UGT1A7: variants seen among roughly 807,000 people sequenced by gnomAD.
The protein encoded by UGT1A7 is UDP glucuronosyltransferase family 1 member A7, also known as UDP-glucuronosyltransferase 1A7.
In UGT1A7, 33 loss-of-function variants were observed where a neutral mutation model predicts 45.6. The ratio of observed to expected loss-of-function variants is 0.72; its 90% CI spans 0.55 to 0.97. The LOEUF is 0.97. UGT1A7 is among the 50% of genes least tolerant of loss of function. The pLI, the probability that UGT1A7 is intolerant of heterozygous loss-of-function variation, is 0.00. For missense variants in UGT1A7, 684 were observed against 666.2 expected (o/e 1.03, Z -0.29); for synonymous variants, 274 against 250.6 (o/e 1.09, Z -0.88).
At chr2:233,693,710 G>C (rs1398840706) in intron 1 of UGT1A7, 3 of 1,614,218 alleles carry the variant, frequency 1.9e-6, no homozygotes, top group Non-Finnish European at 2.5e-6. Context: ...CGCATCAGCT[G>C]TCCTCAAGAG....
At chr2:233,743,149 A>G in intron 1 of UGT1A7, 1 of 356,554 alleles carries the variant, frequency 2.8e-6, no homozygotes, top group South Asian at 2.1e-5. Flanking sequence ...AAAGTCCGCT[A>G]TTCCTCCAGA....
chr2:233,708,241 G>A (rs1272155172), intron 1 of UGT1A7, among the ~76,000 whole-genome samples: 1 of 152,164 alleles, frequency 6.6e-6, no homozygotes, highest in Non-Finnish European at 1.5e-5. Flanking sequence ...CAATGTATAA[G>A]TGTACACTTT....
intron 1 of UGT1A7, among the ~76,000 whole-genome samples, chr2:233,749,208 CA>C (rs1559394087): frequency 6.6e-6 from 1 of 151,746 alleles, no homozygotes; most frequent in Non-Finnish European, 1.5e-5. Flanking sequence ...GTATTATTGC[CA>C]AACACTCTAA....
At chr2:233,697,247 A>G (rs1425616459) in intron 1 of UGT1A7, among the ~76,000 whole-genome samples, 1 of 152,056 alleles carries the variant, frequency 6.6e-6, no homozygotes, top group Non-Finnish European at 1.5e-5. Flanking sequence ...TTACTGCTTC[A>G]ATCTTGTTAC....
chr2:233,701,576 T>C (rs955691834), intron 1 of UGT1A7, among the ~76,000 whole-genome samples: 6 of 152,220 alleles, frequency 3.9e-5, no homozygotes, highest in East Asian at 1.9e-4. Context: ...TACTCCAAAA[T>C]TGACCACATA....
intron 1 of UGT1A7, chr2:233,741,960 TTG>T: frequency 6.6e-6 from 1 of 151,970 alleles, no homozygotes; most frequent in East Asian, 1.9e-4. Context: ...TACTTTCTTG[TTG>T]TGTTTATGGT....
At chr2:233,762,468 G>A (rs976449997) in intron 1 of UGT1A7, among the ~76,000 whole-genome samples, 1 of 152,122 alleles carries the variant, frequency 6.6e-6, no homozygotes, top group Non-Finnish European at 1.5e-5. Context: ...TAATGTCATG[G>A]ATATCACTCC....
intron 1 of UGT1A7, among the ~76,000 whole-genome samples, chr2:233,696,285 A>G (rs554364174): frequency 5.9e-5 from 9 of 152,206 alleles, no homozygotes; most frequent in African/African-American, 2.2e-4. Context: ...AAAACGTAGG[A>G]CTGTAATATC....
intron 1 of UGT1A7, among the ~76,000 whole-genome samples, chr2:233,746,350 C>T (rs1287151444): frequency 6.6e-6 from 1 of 151,744 alleles, no homozygotes; most frequent in Non-Finnish European, 1.5e-5. Flanking sequence ...GTTTATGTTG[C>T]TCCTTTAGTA....
intron 1 of UGT1A7, among the ~76,000 whole-genome samples, chr2:233,759,549 T>A (rs1172160092): frequency 6.6e-6 from 1 of 152,280 alleles, no homozygotes; most frequent in South Asian, 2.1e-4. Context: ...TGCGCTCCAG[T>A]GAATTTCCCT....
intron 1 of UGT1A7, chr2:233,690,816 C>G: frequency 2.8e-6 from 3 of 1,075,614 alleles, no homozygotes; most frequent in African/African-American, 3.4e-5. Flanking sequence ...TTAGTACAGT[C>G]AAAGCTCACA....
chr2:233,732,066 G>A (rs1295393018), intron 1 of UGT1A7, among the ~76,000 whole-genome samples: 2 of 152,128 alleles, frequency 1.3e-5, no homozygotes, highest in African/African-American at 4.8e-5. Flanking sequence ...TGTGTCTGTT[G>A]GCTGCATAAA....
intron 4 of UGT1A7, chr2:233,770,921 G>C (rs759022692): frequency 6.6e-6 from 1 of 152,192 alleles, no homozygotes; most frequent in Non-Finnish European, 1.5e-5. Context: ...GCTTAGTGCT[G>C]ACATCACTTG....
At chr2:233,739,460 T>C (rs1385095028) in intron 1 of UGT1A7, among the ~76,000 whole-genome samples, 1 of 152,240 alleles carries the variant, frequency 6.6e-6, no homozygotes, top group African/African-American at 2.4e-5. Context: ...GGGTTGGAGC[T>C]GCCTGAGACC....
chr2:233,749,702 A>G (rs7556792), intron 1 of UGT1A7, among the ~76,000 whole-genome samples: 1 of 151,694 alleles, frequency 6.6e-6, no homozygotes, highest in African/African-American at 2.4e-5. Context: ...GTGGGAGGTG[A>G]TTGGATCATG....
At chr2:233,730,488 G>C (rs181516968) in intron 1 of UGT1A7, among the ~76,000 whole-genome samples, 1 of 152,300 alleles carries the variant, frequency 6.6e-6, no homozygotes, top group East Asian at 1.9e-4. Flanking sequence ...ACATGAAATA[G>C]AAGTGTCAGA....
At position 233,769,958 on chromosome 2, in the gene UGT1A7, G is replaced by T. The variant is rs1575848035; in HGVS notation, c.1295+1519G>T. 1 of 216,598 alleles carries T rather than the reference G, an allele frequency of 4.6e-6. No individual in the cohort carries two copies. The highest frequency in any genetic ancestry group is 1.1e-4 in the South Asian group (1 of 9,406). The allele number at this position is 216,598 out of a possible 1,614,324, so 13.4% of individuals were successfully genotyped here. On this transcript the variant is annotated intron_variant, in intron 4 of 4. Coordinates refer to ENST00000373426, the MANE Select transcript of UGT1A7 (RefSeq NM_019077.3). The surrounding 1 kb of genome is among the most constrained non-coding windows in gnomAD (Gnocchi z 4.4). Reference sequence around the variant, plus strand: ...TTCCTTCCTTCCAGCGGCTTCTTCTGGCCACCTCAATGTCAGGATGTCCTG... The same window carrying T: ...TTCCTTCCTTCCAGCGGCTTCTTCTTGCCACCTCAATGTCAGGATGTCCTG...
At chr2:233,741,541 C>T (rs1479891345) in intron 1 of UGT1A7, 1 of 151,844 alleles carries the variant, frequency 6.6e-6, no homozygotes, top group Non-Finnish European at 1.5e-5. Flanking sequence ...TATTCTGATA[C>T]TTCTTTTATG....
At chr2:233,754,798 C>G (rs781516183) in intron 1 of UGT1A7, 1 of 1,247,746 alleles carries the variant, frequency 8.0e-7, no homozygotes, top group East Asian at 5.0e-5. Context: ...AATCCTGTAT[C>G]AAAAGAAGAA....
Sources: gnomAD v4.1 joint callset for allele counts (sites outside exome capture counted in the v4.1 genomes callset) on GRCh38, gnomAD v4.1.1 for gene constraint, Gnocchi (gnomAD v3.1) non-coding constraint, MANE v1.5 for transcripts, NCBI Gene and HGNC (gene_info 2026-07-23, HGNC 2026-07-21) for gene names.